Variants in BPHL observed in about 807,000 individuals in gnomAD.
BPHL encodes the protein serine hydrolase BPHL.
A neutral mutation model predicts 31.2 loss-of-function variants in BPHL; 27 were observed. The observed-to-expected ratio is 0.87, with a 90% CI of 0.64 to 1.19. BPHL has a LOEUF of 1.19. BPHL is among the 50% of genes most tolerant of loss of function. The pLI is 0.00. For synonymous variants in BPHL, 150 were observed against 146.8 expected, an observed-to-expected ratio of 1.02 and a Z score of -0.16; for missense variants, 356 against 375.7, an observed-to-expected ratio of 0.95 and a Z score of 0.43.
chr6:3,120,358 A>G lies in BPHL; in HGVS notation c.107+1511A>G, dbSNP rs113637399. On this transcript the variant is annotated intron_variant, in intron 1 of 6. Coordinates refer to ENST00000380379, the MANE Select transcript of BPHL (RefSeq NM_004332.4). ...CCTACCAGTATAGTTCTGATAGGTT[A>G]TTTAATGGTTGAGGAAGGCCCCATC... Among the ~76,000 whole-genome samples, 438 of 152,206 alleles carry G rather than the reference A, an allele frequency of 2.9e-3. 3 individuals are homozygous for G. The highest frequency in any genetic ancestry group is 0.01 in the African/African-American group (417 of 41,534).
chr6:3,140,335 C>T lies in BPHL; in HGVS notation c.665-51C>T, dbSNP rs775972091. 9 of 1,601,550 alleles carry T rather than the reference C, an allele frequency of 5.6e-6. No homozygotes were observed. The highest frequency in any genetic ancestry group is 3.3e-5 in the South Asian group (3 of 89,902). ...CTCGCCGAGTTTCGCCTCCTCTGAC[C>T]GCGTAGAATGGTTGCACTAAAGCAG... On this transcript the variant is annotated intron_variant, in intron 5 of 6. Transcript: ENST00000380379. This position sits in a 1 kb window ranked among gnomAD's most constrained non-coding sequence, Gnocchi z 5.2.
intron 6 of BPHL, among the ~76,000 whole-genome samples, chr6:3,147,657 T>C (rs1399527464): frequency 1.3e-5 from 2 of 152,116 alleles, no homozygotes; most frequent in South Asian, 2.1e-4. Context: ...TGTATGTATA[T>C]ATAGGTAGAA....
intron 6 of BPHL, 33 bp from the exon 7 acceptor site, chr6:3,152,455 A>G: frequency 6.2e-7 from 1 of 1,602,332 alleles, no homozygotes; most frequent in Non-Finnish European, 8.5e-7. Context: ...GTGGTGGGCC[A>G]TTGACCCAAA....
rs1761796163 is a variant in BPHL at position 3,129,121 on chromosome 6, A to T, written c.455A>T (p.Tyr152Phe). 1 of 1,613,806 alleles carries T rather than the reference A, an allele frequency of 6.2e-7. No homozygotes were observed. Among genetic ancestry groups the T allele is most frequent in the Non-Finnish European group, 8.5e-7 (1 of 1,179,840 alleles). Residue 152 changes from tyrosine (Y) to phenylalanine (F), a missense_variant, in exon 4 of 7, where the codon TAT becomes TTT. Physicochemically the swap from Tyr to Phe is conservative, Grantham distance 22 (BLOSUM62 3). Transcript: ENST00000380379. The stretch of plus-strand genomic sequence containing the variant: ...ACCGCACTCATTGCTGCTGCAAAAT[A>T]TCCATCTTACATCCACAAGATGGTG... ...GITALIAAAK[Y>F]PSYIHKMVIW...
At chr6:3,142,139 GCA>G (rs1448767434) in intron 6 of BPHL, among the ~76,000 whole-genome samples, 14 of 150,410 alleles carry the variant, frequency 9.3e-5, no homozygotes, top group Admixed American at 9.2e-4. Flanking sequence ...TTTTTTTGAG[GCA>G]CAGTTTCACT....
chr6:3,146,523 G>A (rs374266316), intron 6 of BPHL, among the ~76,000 whole-genome samples: 16 of 35,066 alleles, frequency 4.6e-4, no homozygotes, highest in Middle Eastern at 0.019. Flanking sequence ...GGTGTGGGTC[G>A]GAGTGCTGGT....
chr6:3,122,229 G>A (rs1007384029), intron 1 of BPHL, among the ~76,000 whole-genome samples: 5 of 152,170 alleles, frequency 3.3e-5, no homozygotes, highest in Admixed American at 2.6e-4. Flanking sequence ...GCAGTGAGCC[G>A]AGATGGCGCC....
intron 6 of BPHL, among the ~76,000 whole-genome samples, chr6:3,147,488 C>T (rs1447070059): frequency 6.6e-6 from 1 of 152,046 alleles, no homozygotes; most frequent in Non-Finnish European, 1.5e-5. Context: ...GGCTGGAGTG[C>T]AGTGGCCCGA....
Position 3,127,345 on chromosome 6 carries a change from A to G in BPHL, c.315A>G (p.Pro105=). Residue 105 remains proline, a synonymous_variant, in exon 3 of 7, where the codon CCA becomes CCG. Transcript: ENST00000380379. ...DPRGYGHSRP[P]DRDFPADFFE... is the part of the protein sequence containing the mutation. ...GAGGCTATGGACATTCCAGGCCCCC[A>G]GATCGCGATTTCCCAGCAGACTTTT... The G allele has an allele frequency of 6.2e-7, 1 of 1,608,638 alleles. No homozygotes were observed. The highest frequency in any genetic ancestry group is 1.1e-5 in the South Asian group (1 of 90,328).
rs750158408 is a variant in BPHL at position 3,127,411 on chromosome 6, A to G, written c.378+3A>G. 3.1e-6 allele frequency: 5 copies of G among 1,588,510 alleles called. No homozygotes were observed. In the South Asian group the frequency reaches 5.7e-5, roughly 18 times the overall value. On this transcript the variant is annotated splice_donor_region_variant and intron_variant, in intron 3 of 6. Coordinates refer to ENST00000380379, the MANE Select transcript of BPHL (RefSeq NM_004332.4). The stretch of plus-strand genomic sequence containing the variant: ...AAGATGCTGTTGATTTGATGAAGGT[A>G]GGTCTCTGAGGGAAGGGCCAGGGGA...
In BPHL at chr6:3,146,412, G is replaced by A. The variant is rs1762363575; in HGVS notation, c.788+5903G>A. ...TGATTTGGGTCGGAGTGCTGGTTTGGGTTGAGTGCTGGTTTGGGTCGGAGT... is the reference window on the plus strand; with the variant it reads ...TGATTTGGGTCGGAGTGCTGGTTTGAGTTGAGTGCTGGTTTGGGTCGGAGT... On this transcript the variant is annotated intron_variant, in intron 6 of 6. Transcript: ENST00000380379. 2.1e-5 allele frequency among the ~76,000 whole-genome samples: 3 copies of A among 145,758 alleles called. 1 individual carries two copies. The highest frequency in any genetic ancestry group is 5.3e-5 in the African/African-American group (2 of 38,094).
At chr6:3,131,718 G>A (rs980784201) in intron 4 of BPHL, among the ~76,000 whole-genome samples, 1 of 152,124 alleles carries the variant, frequency 6.6e-6, no homozygotes, top group African/African-American at 2.4e-5. Flanking sequence ...CCTCTCCCAC[G>A]TGGGATAAAT....
chr6:3,127,906 T>G (rs1025388988), intron 3 of BPHL, among the ~76,000 whole-genome samples: 2 of 152,018 alleles, frequency 1.3e-5, no homozygotes, highest in Non-Finnish European at 2.9e-5. Flanking sequence ...CTGCAACCTC[T>G]GCCTCCCGGG....
Position 3,127,413 on chromosome 6 carries a change from G to A in BPHL, c.378+5G>A. The A allele has an allele frequency of 6.3e-7, 1 of 1,582,938 alleles. No individual in the cohort carries two copies. Among genetic ancestry groups the A allele is most frequent in the African/African-American group, 1.4e-5 (1 of 73,812 alleles). On this transcript the variant is annotated splice_donor_5th_base_variant and intron_variant, in intron 3 of 6. Transcript: ENST00000380379. ...GATGCTGTTGATTTGATGAAGGTAG[G>A]TCTCTGAGGGAAGGGCCAGGGGAGG...
rs115334260 is a variant in BPHL at position 3,136,399 on chromosome 6, C to T, written c.533-963C>T. 2.5e-3 allele frequency among the ~76,000 whole-genome samples: 382 copies of T among 152,320 alleles called. 2 individuals carry two copies. The highest frequency in any genetic ancestry group is 8.5e-3 in the African/African-American group (354 of 41,556). The stretch of plus-strand genomic sequence containing the variant: ...CTTCAGCCTTTATCTTCAGCTCACA[C>T]GGGGCCTACCTCTGAATATTTAAGC... On this transcript the variant is annotated intron_variant, in intron 4 of 6. Transcript: ENST00000380379.
At chr6:3,130,008 T>C (rs1416610773) in intron 4 of BPHL, among the ~76,000 whole-genome samples, 1 of 152,132 alleles carries the variant, frequency 6.6e-6, no homozygotes, top group African/African-American at 2.4e-5. Context: ...GGTTTCTCCA[T>C]GTTGGTCAGG....
intron 4 of BPHL, among the ~76,000 whole-genome samples, chr6:3,131,877 G>A (rs1008465602): frequency 6.6e-6 from 1 of 152,148 alleles, no homozygotes; most frequent in Non-Finnish European, 1.5e-5. Flanking sequence ...CGTCTGGGAT[G>A]GCGTCCCGGA....
At chr6:3,145,646 CG>C (rs1457590457) in intron 6 of BPHL, among the ~76,000 whole-genome samples, 1 of 52,638 alleles carries the variant, frequency 1.9e-5, no homozygotes, top group Admixed American at 1.7e-4. Context: ...AGTGCTGGTT[CG>C]GGGTGGAGTG....
At chr6:3,133,495 T>C (rs1167322328) in intron 4 of BPHL, among the ~76,000 whole-genome samples, 1 of 152,112 alleles carries the variant, frequency 6.6e-6, no homozygotes, top group Non-Finnish European at 1.5e-5. Context: ...TTCACTTTGC[T>C]CACGGAATGA....
Sources: gnomAD v4.1 joint callset for allele counts (sites outside exome capture counted in the v4.1 genomes callset) on GRCh38, gnomAD v4.1.1 for gene constraint, Gnocchi (gnomAD v3.1) non-coding constraint, MANE v1.5 for transcripts, NCBI Gene and HGNC (gene_info 2026-07-23, HGNC 2026-07-21) for gene names.